ADD3: variants seen among roughly 807,000 people sequenced by gnomAD.
The protein encoded by ADD3 is adducin 3.
In ADD3, 25 loss-of-function variants were observed where a neutral mutation model predicts 80.2. That is an observed-to-expected ratio of 0.31 (90% CI 0.23 to 0.44). The LOEUF (loss-of-function observed/expected upper bound fraction) is 0.44, where lower values mean the gene tolerates loss of function less well. ADD3 is among the 20% of genes least tolerant of loss of function. The pLI is 1.00. For synonymous variants in ADD3, 284 were observed against 289.6 expected (o/e 0.98, Z 0.20); for missense variants, 829 against 847.5 (o/e 0.98, Z 0.27).
Position 110,097,836 on chromosome 10 carries a change from G to A in ADD3, c.-29-2789G>A, listed in dbSNP as rs1590107342. Among the ~76,000 whole-genome samples the A allele has an allele frequency of 2.0e-5, 3 of 148,984 alleles. No individual in the cohort carries two copies. The East Asian group carries it at 5.9e-4, about 29-fold the overall frequency. ...GTCACCCAGGCTGGAGTGCAGTGGTGTGATCTCGGCTCACTGCAAGCTCCA... is the reference window on the plus strand; with the variant it reads ...GTCACCCAGGCTGGAGTGCAGTGGTATGATCTCGGCTCACTGCAAGCTCCA... On this transcript the variant is annotated intron_variant, in intron 1 of 14. Coordinates refer to ENST00000356080, the MANE Select transcript of ADD3 (RefSeq NM_016824.5).
At chr10:110,131,352 G>C (rs1483406208) in intron 13 of ADD3, among the ~76,000 whole-genome samples, 2 of 152,152 alleles carry the variant, frequency 1.3e-5, no homozygotes. Flanking sequence ...ATAAGCTTCA[G>C]GCAGTCCATG....
At chr10:110,025,344 A>AT (rs1854163170) in intron 1 of ADD3, among the ~76,000 whole-genome samples, 1 of 151,866 alleles carries the variant, frequency 6.6e-6, no homozygotes, top group Non-Finnish European at 1.5e-5. Context: ...TTAATTTAAT[A>AT]TTTTTTTAAT....
intron 3 of ADD3, among the ~76,000 whole-genome samples, chr10:110,113,904 A>C (rs1850359913): frequency 6.6e-6 from 1 of 152,252 alleles, no homozygotes; most frequent in African/African-American, 2.4e-5. Flanking sequence ...TGGCAGATGG[A>C]CATAGAGAAG....
At chr10:110,126,534 T>C (rs1458019295) in intron 12 of ADD3, 31 bp downstream of exon 12, 1 of 1,438,790 alleles carries the variant, frequency 7.0e-7, no homozygotes, top group Non-Finnish European at 9.7e-7. Context: ...GATCTTTGTT[T>C]TTTATTTACC....
At chr10:110,104,841 T>G (rs956466702) in intron 2 of ADD3, among the ~76,000 whole-genome samples, 2 of 152,234 alleles carry the variant, frequency 1.3e-5, no homozygotes, top group African/African-American at 4.8e-5. Flanking sequence ...TTAAATAACT[T>G]GCTGAAGTTT....
chr10:110,067,502 T>A (rs763516968), intron 1 of ADD3, among the ~76,000 whole-genome samples: 21 of 152,226 alleles, frequency 1.4e-4, no homozygotes, highest in Non-Finnish European at 3.1e-4. Flanking sequence ...GGTTGAGAAC[T>A]GTTTCAGATT....
intron 1 of ADD3, among the ~76,000 whole-genome samples, chr10:110,085,208 C>T (rs749078699): frequency 2.0e-5 from 3 of 152,196 alleles, no homozygotes; most frequent in Admixed American, 6.5e-5. Flanking sequence ...AGAGCCTAGA[C>T]CTCTTTAAAT....
chr10:110,088,890 TGGTAACAAATCA>T (rs1230788825), intron 1 of ADD3, among the ~76,000 whole-genome samples: 1 of 152,182 alleles, frequency 6.6e-6, no homozygotes, highest in Non-Finnish European at 1.5e-5. Flanking sequence ...ACATAGTCCA[TGGTAACAAATCA>T]GTTTCCTAGA....
chr10:110,043,524 T>C (rs567027048), intron 1 of ADD3, among the ~76,000 whole-genome samples: 6 of 152,326 alleles, frequency 3.9e-5, no homozygotes, highest in African/African-American at 9.6e-5. Flanking sequence ...AAGAATGATA[T>C]AGTAAAATGA....
chr10:110,051,865 C>T (rs1298311887), intron 1 of ADD3, among the ~76,000 whole-genome samples: 9 of 152,152 alleles, frequency 5.9e-5, no homozygotes, highest in Admixed American at 2.6e-4. Flanking sequence ...TGTAGTGGCA[C>T]GAACATGGCT....
intron 1 of ADD3, among the ~76,000 whole-genome samples, chr10:110,014,438 C>G (rs917075669): frequency 1.3e-5 from 2 of 152,160 alleles, no homozygotes; most frequent in Admixed American, 6.5e-5. Flanking sequence ...GAAGTTGATG[C>G]ATTGTTCGTA....
chr10:110,116,160 G>T, intron 3 of ADD3, 99 bp from the exon 4 acceptor site: 1 of 1,131,326 alleles, frequency 8.8e-7, no homozygotes, highest in Non-Finnish European at 1.3e-6. Context: ...TTATATACAA[G>T]GCTGGGATAC....
At chr10:110,128,937 G>A (rs966170189) in intron 12 of ADD3, among the ~76,000 whole-genome samples, 1 of 152,150 alleles carries the variant, frequency 6.6e-6, no homozygotes, top group African/African-American at 2.4e-5. Context: ...ACAGAGCTCG[G>A]GGATTGGTGG....
chr10:110,023,385 G>C (rs1255679863), intron 1 of ADD3, among the ~76,000 whole-genome samples: 1 of 152,146 alleles, frequency 6.6e-6, no homozygotes, highest in Non-Finnish European at 1.5e-5. Context: ...TCAGAACTGA[G>C]AGAAATAAAT....
intron 1 of ADD3, among the ~76,000 whole-genome samples, chr10:110,072,361 G>A (rs577243467): frequency 9.2e-5 from 14 of 152,228 alleles, no homozygotes; most frequent in African/African-American, 1.4e-4. Flanking sequence ...CACTGTGCCC[G>A]GCCACCATGT....
intron 1 of ADD3, among the ~76,000 whole-genome samples, chr10:110,073,906 G>A (rs1845074379): frequency 6.6e-6 from 1 of 151,674 alleles, no homozygotes; most frequent in African/African-American, 2.4e-5. Context: ...GATTTAAACA[G>A]TTTAGACAGA....
At chr10:110,064,501 A>C (rs1164604911) in intron 1 of ADD3, among the ~76,000 whole-genome samples, 1 of 152,184 alleles carries the variant, frequency 6.6e-6, no homozygotes, top group Non-Finnish European at 1.5e-5. Context: ...GATGATGGGC[A>C]CTTCTTAATG....
intron 1 of ADD3, among the ~76,000 whole-genome samples, chr10:110,080,045 A>T (rs968992744): frequency 6.6e-6 from 1 of 152,186 alleles, no homozygotes; most frequent in Non-Finnish European, 1.5e-5. Flanking sequence ...GGAAGGTATA[A>T]TAGTGCTGTG....
upstream of ADD3, among the ~76,000 whole-genome samples, chr10:110,003,589 A>C (rs2132863479): frequency 1.3e-5 from 2 of 152,338 alleles, no homozygotes; most frequent in East Asian, 1.9e-4. Flanking sequence ...ACCACTTAAA[A>C]GACAGCTATA....
Sources: gnomAD v4.1 joint callset for allele counts (sites outside exome capture counted in the v4.1 genomes callset) on GRCh38, gnomAD v4.1.1 for gene constraint, MANE v1.5 for transcripts, NCBI Gene and HGNC (gene_info 2026-07-23, HGNC 2026-07-21) for gene names.